Variants in HAX1 observed in about 807,000 individuals in gnomAD.
HAX1 encodes HCLS1-associated protein X-1.
Under a neutral mutation model 31.1 loss-of-function variants are expected in HAX1, and 27 were observed. The ratio of observed to expected loss-of-function variants is 0.87; its 90% CI spans 0.64 to 1.20. HAX1 has a LOEUF of 1.20. Among genes scored for constraint, HAX1 ranks in the 50% most tolerant of loss-of-function variants. The pLI, the probability that HAX1 is intolerant of heterozygous loss-of-function variation, is 0.00. For synonymous variants in HAX1, 114 were observed against 124.1 expected (o/e 0.92, Z 0.54); for missense variants, 357 against 361.6 (o/e 0.99, Z 0.10).
At chr1:154,272,833 C>T in intron 1 of HAX1, 57 bp downstream of exon 1, 1 of 1,488,156 alleles carries the variant, frequency 6.7e-7, no homozygotes, top group Non-Finnish European at 9.4e-7. Flanking sequence ...AGCTTGACCC[C>T]TACGTCTTAT....
rs1169080980 is a variant in HAX1, at chr1:154,273,367, C to CGAGATG, written c.86_91dup (p.Asp30_Glu31insGlyAsp). 6.2e-7 allele frequency: 1 copy of CGAGATG among 1,613,418 alleles called. No individual in the cohort carries two copies. The highest frequency in any genetic ancestry group is 1.1e-5 in the South Asian group (1 of 91,056). On this transcript the variant is annotated inframe_insertion, in exon 2 of 7. Coordinates refer to ENST00000328703, the MANE Select transcript of HAX1 (RefSeq NM_006118.4). ...AGATCCCTTTTTTGGAGGGATGACT[C>CGAGATG]GAGATGAAGATGATGATGAGGAAGA...
At chr1:154,274,909 A>G (rs1413864276) in intron 3 of HAX1, 41 bp from the exon 4 acceptor site, 2 of 1,492,258 alleles carry the variant, frequency 1.3e-6, no homozygotes. Context: ...CAAATTTCAG[A>G]TTGGAAGGAG....
chr1:154,273,449 A>AC lies in HAX1; in HGVS notation c.173dup (p.Glu59Ter), dbSNP rs758657008. ...AACCCAAGGTTCCATAGTCCTCAGC[A>AC]CCCCCCTGAGGAATTTGGCTTCGGC... On this transcript the variant is annotated frameshift_variant, in exon 2 of 7. Transcript: ENST00000328703. LOFTEE classifies it high-confidence loss of function. The AC allele has an allele frequency of 6.2e-7, 1 of 1,613,802 alleles. No individual in the cohort carries two copies. The highest frequency in any genetic ancestry group is 8.5e-7 in the Non-Finnish European group (1 of 1,179,956).
chr1:154,274,477 C>T (rs917379109), intron 3 of HAX1, among the ~76,000 whole-genome samples: 3 of 152,048 alleles, frequency 2.0e-5, no homozygotes, highest in Non-Finnish European at 4.4e-5. Context: ...GAGCTCCTGA[C>T]CTCAGGTGAT....
chr1:154,272,631 C>T lies in HAX1; in HGVS notation c.-93C>T. 1 of 1,286,910 alleles carries T rather than the reference C, an allele frequency of 7.8e-7. No homozygotes were observed. The highest frequency in any genetic ancestry group is 1.1e-6 in the Non-Finnish European group (1 of 890,272). The allele number at this position is 1,286,910 out of a possible 1,614,324, so 79.7% of individuals were successfully genotyped here. On this transcript the variant is annotated 5_prime_UTR_variant, in exon 1 of 7. It adds an upstream start codon to the 5' untranslated region. Transcript: ENST00000328703. ...CTTGCTTTCCGGTAGCGTGGGCTGA[C>T]GCCTCGCTCAATTTCTCACAGGGCT...
In HAX1 at chr1:154,275,642, C is replaced by G. The variant is rs2149140834; in HGVS notation, c.781C>G (p.Leu261Val). ...GDPESPRPPALDDAFSILDLF... is the reference protein window; with the variant it reads ...GDPESPRPPAVDDAFSILDLF... ...TCCAGAATCACCAAGACCTCCAGCC[C>G]TGGATGATGCCTTTTCCATCCTGGA... The change falls in exon 7 of 7, where the codon CTG becomes GTG. Residue 261 changes from leucine (L) to valine (V), a missense_variant. Leu to Val is a conservative substitution (Grantham distance 32). Transcript: ENST00000328703. 1 of 1,614,030 alleles carries G rather than the reference C, an allele frequency of 6.2e-7. No individual in the cohort carries two copies. Among genetic ancestry groups the G allele is most frequent in the Non-Finnish European group, 8.5e-7 (1 of 1,179,904 alleles).
chr1:154,274,439 G>A (rs1029304000), intron 3 of HAX1, among the ~76,000 whole-genome samples: 12 of 152,182 alleles, frequency 7.9e-5, no homozygotes, highest in South Asian at 4.1e-4. Flanking sequence ...TAGAGATGGC[G>A]TTTCACCGTG....
chr1:154,273,937 G>C lies in HAX1; in HGVS notation c.480G>C (p.Trp160Cys), dbSNP rs1392118289. ...RSESPQPAPDWGSQRPFHRFD... is the reference protein window; with the variant it reads ...RSESPQPAPDCGSQRPFHRFD... ...AATCCCCCCAACCAGCACCAGACTG[G>C]GGCTCCCAGAGGCCATTTCATAGGG... Residue 160 changes from tryptophan (W) to cysteine (C), a missense_variant, in exon 3 of 7, where the codon TGG becomes TGC. Transcript: ENST00000328703. 6.2e-7 allele frequency: 1 copy of C among 1,614,124 alleles called. No homozygotes were observed. The highest frequency in any genetic ancestry group is 1.3e-5 in the African/African-American group (1 of 75,028).
chr1:154,275,067 C>T (rs377267422), intron 4 of HAX1, 66 bp downstream of exon 4: 1 of 1,469,352 alleles, frequency 6.8e-7, no homozygotes, highest in Non-Finnish European at 9.5e-7. Flanking sequence ...GTGTGTTCTC[C>T]CTCCCTGAAG....
At chr1:154,273,054 C>G in intron 1 of HAX1, 1 of 598,952 alleles carries the variant, frequency 1.7e-6, no homozygotes. Context: ...AGCAAGTGAG[C>G]AGGACCTTGG....
chr1:154,273,582 G>A lies in HAX1; in HGVS notation c.300G>A (p.Leu100=). ...TCAGCGATATGGGGGCCTGGACCTTGCCTTCCCATCCTCCTGGTGTGTGGC... is the reference window on the plus strand; with the variant it reads ...TCAGCGATATGGGGGCCTGGACCTTACCTTCCCATCCTCCTGGTGTGTGGC... ...SIFSDMGAWT[L]PSHPPELPGP... is the part of the protein sequence containing the mutation. The change falls in exon 2 of 7, where the codon TTG becomes TTA. Residue 100 remains leucine, a synonymous_variant. Coordinates refer to ENST00000328703, the MANE Select transcript of HAX1 (RefSeq NM_006118.4). 1 of 1,614,138 alleles carries A rather than the reference G, an allele frequency of 6.2e-7. No individual in the cohort carries two copies. The highest frequency in any genetic ancestry group is 8.5e-7 in the Non-Finnish European group (1 of 1,180,018).
At chr1:154,274,833 ATGGAAT>A in intron 3 of HAX1, 111 bp from the exon 4 acceptor site, 1 of 751,630 alleles carries the variant, frequency 1.3e-6, no homozygotes, top group Middle Eastern at 3.5e-4. Context: ...GCTATTCTGA[ATGGAAT>A]TATCTCTTCT....
chr1:154,273,020 G>C (rs917698095), intron 1 of HAX1: 4 of 613,362 alleles, frequency 6.5e-6, no homozygotes, highest in African/African-American at 1.8e-5. Flanking sequence ...GGAAGACCGT[G>C]AGGGTCTGGG....
Position 154,272,735 on chromosome 1 carries a change from T to C in HAX1, c.12T>C (p.Phe4=), listed in dbSNP as rs1490644075. 2 of 1,614,088 alleles carry C rather than the reference T, an allele frequency of 1.2e-6. No homozygotes were observed. Among genetic ancestry groups the C allele is most frequent in the Non-Finnish European group, 1.7e-6 (2 of 1,180,048 alleles). MSL[F]DLFRGFFGFP... is the part of the protein sequence containing the mutation. ...GTCCCAGTACGGGAATGAGCCTCTTTGATCTCTTCCGGGGCTTTTTCGGCT... is the reference window on the plus strand; with the variant it reads ...GTCCCAGTACGGGAATGAGCCTCTTCGATCTCTTCCGGGGCTTTTTCGGCT... The change falls in exon 1 of 7, where the codon TTT becomes TTC. Residue 4 remains phenylalanine, a synonymous_variant. Transcript: ENST00000328703.
chr1:154,274,871 C>T (rs756699462), intron 3 of HAX1, 79 bp from the exon 4 acceptor site: 262 of 980,506 alleles, frequency 2.7e-4, no homozygotes, highest in African/African-American at 9.6e-5. Context: ...TTTTGGAGCT[C>T]GGGAGTAGTT....
chr1:154,273,534 A>G lies in HAX1; in HGVS notation c.252A>G (p.Leu84=), dbSNP rs768078431. The change falls in exon 2 of 7, where the codon CTA becomes CTG. Residue 84 remains leucine, a synonymous_variant. Coordinates refer to ENST00000328703, the MANE Select transcript of HAX1 (RefSeq NM_006118.4). ...ACGATAACTTCGGCTTTGATGACCT[A>G]GTACGAGATTTCAATAGCATCTTCA... is the stretch of plus-strand genomic sequence containing the variant. ...RFHDNFGFDD[L]VRDFNSIFSD... 3 of 1,614,132 alleles carry G rather than the reference A, an allele frequency of 1.9e-6. No individual in the cohort carries two copies. Among genetic ancestry groups the G allele is most frequent in the Non-Finnish European group, 2.5e-6 (3 of 1,180,006 alleles).
rs769889126 is a variant in HAX1 at position 154,272,811 on chromosome 1, T to C, written c.53+35T>C. On this transcript the variant is annotated intron_variant, in intron 1 of 6. Coordinates refer to ENST00000328703, the MANE Select transcript of HAX1 (RefSeq NM_006118.4). ...GGTCCGGCTCGGACAAGGGTGGGGG[T>C]CGTCTGAGGGGAGCTTGACCCCTAC... The C allele has an allele frequency of 4.4e-6, 7 of 1,592,160 alleles. No homozygotes were observed. In the South Asian group the frequency reaches 6.6e-5, roughly 15 times the overall value.
rs1376225988 is a variant in HAX1 at position 154,273,816 on chromosome 1, G to A, written c.359G>A (p.Arg120Gln). 2.5e-6 allele frequency: 4 copies of A among 1,614,096 alleles called. No homozygotes were observed. The highest frequency in any genetic ancestry group is 3.4e-6 in the Non-Finnish European group (4 of 1,180,000). ...TCAGAGACACCTGGTGAGAGACTAC[G>A]GGAGGGACAGACACTTCGGGACTCA... Reference protein sequence around the residue: ...PESETPGERLREGQTLRDSML... With the variant: ...PESETPGERLQEGQTLRDSML... The change falls in exon 3 of 7, where the codon CGG becomes CAG. Residue 120 changes from arginine (R) to glutamine (Q), a missense_variant. By Grantham distance (43) the Arg-to-Gln change is conservative. Coordinates refer to ENST00000328703, the MANE Select transcript of HAX1 (RefSeq NM_006118.4).
Position 154,275,267 on chromosome 1 carries a change from T to G in HAX1, c.663+7T>G. 1 of 1,597,322 alleles carries G rather than the reference T, an allele frequency of 6.3e-7. No individual in the cohort carries two copies. On this transcript the variant is annotated splice_region_variant and intron_variant, in intron 5 of 6. Transcript: ENST00000328703. The stretch of plus-strand genomic sequence containing the variant: ...GATCACTAAACCAGATGGGGTGAGT[T>G]GAAAGAAAGAGGTAAAGGAAAGTAT...
Sources: allele counts gnomAD v4.1 joint callset (sites outside exome capture counted in the v4.1 genomes callset), GRCh38; gene constraint gnomAD v4.1.1; transcripts MANE v1.5; gene names NCBI Gene and HGNC (gene_info 2026-07-23, HGNC 2026-07-21).